The following UBE4B variants were observed in gnomAD, a reference collection of about 807,000 sequenced individuals.
UBE4B encodes ubiquitination factor E4B.
Under a neutral mutation model 148.1 loss-of-function variants are expected in UBE4B, and 27 were observed. The observed-to-expected ratio is 0.18, with a 90% CI of 0.13 to 0.25. The LOEUF (loss-of-function observed/expected upper bound fraction) is 0.25. UBE4B is among the 10% of genes least tolerant of loss of function. UBE4B has a pLI of 1.00. For missense variants in UBE4B, 1,170 were observed against 1,662.4 expected (o/e 0.70, Z 5.15); for synonymous variants, 596 against 619.3 (o/e 0.96, Z 0.56).
At chr1:10,143,740 G>A (rs554930893) in intron 17 of UBE4B, among the ~76,000 whole-genome samples, 1 of 152,302 alleles carries the variant, frequency 6.6e-6, no homozygotes, top group Admixed American at 6.5e-5. Flanking sequence ...AGCAGAAAGG[G>A]GAACTAGTTG....
intron 17 of UBE4B, among the ~76,000 whole-genome samples, chr1:10,139,566 TA>T (rs1012571506): frequency 1.3e-5 from 2 of 152,212 alleles, no homozygotes; most frequent in African/African-American, 4.8e-5. Context: ...ATTATGGATT[TA>T]AGACAGTTAA....
intron 1 of UBE4B, among the ~76,000 whole-genome samples, chr1:10,035,542 G>T (rs972758920): frequency 1.4e-5 from 2 of 148,022 alleles, no homozygotes; most frequent in Non-Finnish European, 3.0e-5. Context: ...GACTACAAGC[G>T]CCCGCCACCA....
At chr1:10,139,679 T>A (rs1398587125) in intron 17 of UBE4B, among the ~76,000 whole-genome samples, 1 of 152,200 alleles carries the variant, frequency 6.6e-6, no homozygotes, top group Non-Finnish European at 1.5e-5. Context: ...TTTTATCATT[T>A]TAATGTCTGT....
At chr1:10,089,734 C>G (rs1218308764) in intron 2 of UBE4B, among the ~76,000 whole-genome samples, 1 of 147,938 alleles carries the variant, frequency 6.8e-6, no homozygotes, top group East Asian at 2.0e-4. Context: ...GAGTCTCACT[C>G]TGTCTTCCAT....
rs765526877 is a variant in UBE4B, at chr1:10,129,374, C to G, written c.1639-18C>G. On this transcript the variant is annotated intron_variant, in intron 11 of 27. Transcript: ENST00000343090. ...TTTAAGATGAAATGCATTTAAATGA[C>G]TCTGATCTTATTTCTAGGCACTAGG... The G allele has an allele frequency of 1.9e-6, 3 of 1,607,008 alleles. No individual in the cohort carries two copies. The highest frequency in any genetic ancestry group is 1.3e-5 in the African/African-American group (1 of 74,982).
intron 1 of UBE4B, among the ~76,000 whole-genome samples, chr1:10,055,942 A>AAAACC (rs1644159935): frequency 6.6e-6 from 1 of 151,966 alleles, no homozygotes; most frequent in South Asian, 2.1e-4. Flanking sequence ...AAAACAAAAC[A>AAAACC]AAACCAGAAG....
At position 10,168,903 on chromosome 1, in the gene UBE4B, A is replaced by G. The variant is rs1353790437; in HGVS notation, c.3333+633A>G. Among the ~76,000 whole-genome samples, 5 of 152,016 alleles carry G rather than the reference A, an allele frequency of 3.3e-5. No homozygotes were observed. The highest frequency in any genetic ancestry group is 1.2e-4 in the African/African-American group (5 of 41,402). On this transcript the variant is annotated intron_variant, in intron 24 of 27. Coordinates refer to ENST00000343090, the MANE Select transcript of UBE4B (RefSeq NM_001105562.3). The surrounding 1 kb of genome is among the most constrained non-coding windows in gnomAD (Gnocchi z 4.9). ...TGAGACTCCATCTCAAAAAAAAAAA[A>G]AAAAGAAGAAGAAAAAGCATAAGGT...
At chr1:10,095,723 T>C in intron 3 of UBE4B, 127 bp downstream of exon 3, 1 of 993,966 alleles carries the variant, frequency 1.0e-6, no homozygotes, top group Non-Finnish European at 1.5e-6. Flanking sequence ...AGCAAATTAG[T>C]GTCAAATGTA....
chr1:10,137,982 T>A (rs774042914), intron 17 of UBE4B, among the ~76,000 whole-genome samples: 22 of 120,886 alleles, frequency 1.8e-4, no homozygotes, highest in Non-Finnish European at 3.2e-4. Flanking sequence ...TTGCCCAGGC[T>A]GGAGTGCAGT....
Position 10,178,814 on chromosome 1 carries a change from C to T in UBE4B, c.3696C>T (p.Phe1232=). The change falls in exon 26 of 28, where the codon TTC becomes TTT. Residue 1232 remains phenylalanine (F), a synonymous_variant. Coordinates refer to ENST00000343090, the MANE Select transcript of UBE4B (RefSeq NM_001105562.3). The part of the protein sequence containing the change: ...EIDYSDAPDE[F]RDPLMDTLMT... ...ACTACAGCGACGCTCCTGATGAGTT[C>T]AGAGGCAAGTGGACTCGTCGTTTTC... 6.3e-7 allele frequency: 1 copy of T among 1,591,624 alleles called. No individual in the cohort carries two copies. Among genetic ancestry groups the T allele is most frequent in the Non-Finnish European group, 8.5e-7 (1 of 1,171,886 alleles).
intron 1 of UBE4B, chr1:10,054,894 T>C (rs113448784): frequency 0.082 from 12,492 of 152,524 alleles, 750 homozygotes; most frequent in African/African-American, 0.17. Flanking sequence ...CAAGCGATTC[T>C]CCTGCCTCAG....
At chr1:10,167,739 C>T (rs1460018229) in intron 23 of UBE4B, among the ~76,000 whole-genome samples, 16 of 151,818 alleles carry the variant, frequency 1.1e-4, no homozygotes, top group Admixed American at 1.0e-3. Context: ...ACTACAGCCA[C>T]GCACCACCAC....
At chr1:10,174,689 C>T (rs556510002) in intron 25 of UBE4B, among the ~76,000 whole-genome samples, 22 of 133,604 alleles carry the variant, frequency 1.6e-4, no homozygotes, top group African/African-American at 3.5e-4. Context: ...GCAACAAGAG[C>T]GAAACTCCGT....
intron 17 of UBE4B, among the ~76,000 whole-genome samples, chr1:10,143,695 A>C (rs1645820409): frequency 6.6e-6 from 1 of 152,196 alleles, no homozygotes; most frequent in African/African-American, 2.4e-5. Context: ...CTCATGTTTC[A>C]GTTGTAGACG....
chr1:10,140,961 A>G (rs1217101672), intron 17 of UBE4B, among the ~76,000 whole-genome samples: 2 of 152,176 alleles, frequency 1.3e-5, no homozygotes, highest in African/African-American at 4.8e-5. Context: ...TTGGTTGCAT[A>G]ATATGAACCT....
At chr1:10,140,199 G>A (rs1053667813) in intron 17 of UBE4B, among the ~76,000 whole-genome samples, 1 of 151,862 alleles carries the variant, frequency 6.6e-6, no homozygotes, top group Non-Finnish European at 1.5e-5. Context: ...TCTAATTTTT[G>A]TTTGTTCTTA....
Position 10,179,975 on chromosome 1 carries a change from C to A in UBE4B, c.*19C>A, listed in dbSNP as rs202048066. The stretch of plus-strand genomic sequence containing the variant: ...TCACTAAACCGTTCCGCCGCCCACC[C>A]TCTGCTAGACACAGCCAAGGCCAAC... On this transcript the variant is annotated 3_prime_UTR_variant, in exon 28 of 28. Transcript: ENST00000343090. The A allele has an allele frequency of 6.2e-7, 1 of 1,614,072 alleles. No individual in the cohort carries two copies. Among genetic ancestry groups the A allele is most frequent in the South Asian group, 1.1e-5 (1 of 91,070 alleles).
intron 17 of UBE4B, among the ~76,000 whole-genome samples, chr1:10,137,962 T>A (rs1645719825): frequency 7.7e-6 from 1 of 130,554 alleles, no homozygotes; most frequent in Non-Finnish European, 1.6e-5. Context: ...TGAGACGGAG[T>A]CTCGCTCTGT....
At chr1:10,160,767 C>A (rs1017374760) in intron 22 of UBE4B, among the ~76,000 whole-genome samples, 12 of 152,054 alleles carry the variant, frequency 7.9e-5, no homozygotes, top group Non-Finnish European at 1.6e-4. Flanking sequence ...GGCAACATAA[C>A]AAGTCCCTGT....
Sources: allele counts gnomAD v4.1 joint callset (sites outside exome capture counted in the v4.1 genomes callset), GRCh38; gene constraint gnomAD v4.1.1; non-coding constraint Gnocchi (gnomAD v3.1); transcripts MANE v1.5; gene names NCBI Gene and HGNC (gene_info 2026-07-23, HGNC 2026-07-21).